Variants in HIP1 observed in about 807,000 individuals in gnomAD.
HIP1 encodes the protein huntingtin interacting protein 1, also known as huntingtin-interacting protein 1.
HIP1 carries 65 observed loss-of-function variants against 147.6 expected under a neutral mutation model. The ratio of observed to expected loss-of-function variants is 0.44; its 90% confidence interval spans 0.36 to 0.54. HIP1 has a LOEUF of 0.54. Ranked by LOEUF, HIP1 falls within the 20% of genes least tolerant of loss-of-function variation. The pLI is 0.00. For synonymous variants in HIP1, 479 were observed against 504.0 expected (o/e 0.95, Z 0.67); for missense variants, 1,061 against 1,299.6 (o/e 0.82, Z 2.82).
intron 21 of HIP1, among the ~76,000 whole-genome samples, chr7:75,553,849 C>G (rs1385434569): frequency 1.3e-5 from 2 of 152,204 alleles, no homozygotes; most frequent in African/African-American, 4.8e-5. Flanking sequence ...GGTGATCTGC[C>G]CACCTCGTCC....
At chr7:75,638,833 G>A (rs1418999475) in intron 1 of HIP1, among the ~76,000 whole-genome samples, 1 of 152,146 alleles carries the variant, frequency 6.6e-6, no homozygotes, top group African/African-American at 2.4e-5. Flanking sequence ...CCCGGCGGCG[G>A]CGCGGCGGGA....
intron 1 of HIP1, among the ~76,000 whole-genome samples, chr7:75,706,639 T>A (rs1801013608): frequency 7.1e-6 from 1 of 140,098 alleles, no homozygotes; most frequent in Non-Finnish European, 1.5e-5. Context: ...TTTTTTTTTT[T>A]TTTTTATTAT....
intron 1 of HIP1, among the ~76,000 whole-genome samples, chr7:75,600,326 G>C (rs1254803848): frequency 6.6e-6 from 1 of 152,270 alleles, no homozygotes; most frequent in Non-Finnish European, 1.5e-5. Context: ...GGCCAGGCTG[G>C]TCTCGAACTT....
chr7:75,656,801 T>C (rs782520135), intron 1 of HIP1, among the ~76,000 whole-genome samples: 1 of 152,168 alleles, frequency 6.6e-6, no homozygotes, highest in South Asian at 2.1e-4. Context: ...AAGCAAGATA[T>C]AGAATGACTA....
At chr7:75,656,688 G>C (rs1420439298) in intron 1 of HIP1, among the ~76,000 whole-genome samples, 1 of 151,708 alleles carries the variant, frequency 6.6e-6, no homozygotes, top group Non-Finnish European at 1.5e-5. Context: ...TGTTGGTCAG[G>C]CTGGTCTCGA....
At chr7:75,593,725 C>T (rs1796584621) in intron 2 of HIP1, among the ~76,000 whole-genome samples, 1 of 151,984 alleles carries the variant, frequency 6.6e-6, no homozygotes, top group Admixed American at 6.6e-5. Context: ...CCCTTGGCTC[C>T]TCCTCCAGGC....
intron 1 of HIP1, among the ~76,000 whole-genome samples, chr7:75,652,314 C>CA (rs34220339): frequency 0.36 from 38,001 of 105,116 alleles, 5,403 homozygotes; most frequent in Middle Eastern, 0.43. Flanking sequence ...GAGACTGTCT[C>CA]AAAAAAAAAA....
Position 75,556,789 on chromosome 7 carries a change from A to G in HIP1, c.1604T>C (p.Leu535Pro). ...QRKTQEQLEVLESLKQELATS... is the reference protein window; with the variant it reads ...QRKTQEQLEVPESLKQELATS... ...GGCAAGTTCCTGCTTCAAGCTCTCT[A>G]GAACTTCCAGCTGTTCTTGAGTCTG... The change falls in exon 17 of 31, where the codon CTA (leucine) becomes CCA (proline). Residue 535 changes from leucine (L) to proline (P), a missense_variant. Physicochemically the swap from Leu to Pro is moderately conservative, Grantham distance 98. Around this residue, in one of 3 missense-constraint regions of HIP1, gnomAD observed 810 missense variants for 946.8 expected, o/e 0.86. Transcript: ENST00000336926. The G allele has an allele frequency of 6.2e-7, 1 of 1,612,498 alleles. No individual in the cohort carries two copies. Among genetic ancestry groups the G allele is most frequent in the Non-Finnish European group, 8.5e-7 (1 of 1,178,592 alleles).
chr7:75,628,502 A>C (rs1554508331), intron 1 of HIP1, among the ~76,000 whole-genome samples: 1 of 134,846 alleles, frequency 7.4e-6, no homozygotes. Flanking sequence ...TTTTTGAGAC[A>C]GAGTCTTGCT....
intron 1 of HIP1, among the ~76,000 whole-genome samples, chr7:75,602,112 T>TGCCTCA (rs1797008749): frequency 6.6e-6 from 1 of 151,326 alleles, no homozygotes; most frequent in Non-Finnish European, 1.5e-5. Context: ...GCGATTCTCC[T>TGCCTCA]GCCTCAGCCT....
intron 2 of HIP1, among the ~76,000 whole-genome samples, chr7:75,598,524 G>T (rs868970339): frequency 1.1e-4 from 16 of 151,642 alleles, no homozygotes; most frequent in African/African-American, 3.6e-4. Flanking sequence ...GCAAAGAAAG[G>T]ACCTGGAGGG....
At chr7:75,665,784 G>A (rs549407799) in intron 1 of HIP1, among the ~76,000 whole-genome samples, 42 of 152,018 alleles carry the variant, frequency 2.8e-4, no homozygotes, top group Admixed American at 2.4e-3. Flanking sequence ...CAAGTGATCC[G>A]CCTGCTTCGG....
At chr7:75,595,258 TCC>T (rs1280617325) in intron 2 of HIP1, among the ~76,000 whole-genome samples, 2 of 117,698 alleles carry the variant, frequency 1.7e-5, no homozygotes, top group African/African-American at 7.2e-5. Context: ...CTTTCTTCCT[TCC>T]TTCCTTCCTT....
At chr7:75,706,617 CTCG>C (rs1289761582) in intron 1 of HIP1, among the ~76,000 whole-genome samples, 2 of 132,000 alleles carry the variant, frequency 1.5e-5, no homozygotes, top group South Asian at 2.3e-4. Flanking sequence ...CACCCATCAA[CTCG>C]TCATTTTTTT....
rs1447465343 is a variant in HIP1 at position 75,536,367 on chromosome 7, TG to T, written c.*1804del. ...TGGGGAGGGGGGTGGGCTAGGGAGA[TG>T]GGGGTTGGTTCACAGTGATCAAACA... On this transcript the variant is annotated 3_prime_UTR_variant, in exon 31 of 31. Coordinates refer to ENST00000336926, the MANE Select transcript of HIP1 (RefSeq NM_005338.7). 2 of 176,548 alleles carry T rather than the reference TG, an allele frequency of 1.1e-5. No homozygotes were observed. The highest frequency in any genetic ancestry group is 2.4e-5 in the Non-Finnish European group (2 of 85,038). The allele number at this position is 176,548 out of a possible 1,614,324, so 10.9% of individuals were successfully genotyped here.
chr7:75,581,024 G>A (rs1376433542), intron 7 of HIP1, among the ~76,000 whole-genome samples: 2 of 152,136 alleles, frequency 1.3e-5, no homozygotes, highest in South Asian at 2.1e-4. Flanking sequence ...TTACAGGTGC[G>A]AGCCACTGCA....
chr7:75,542,114 G>C, intron 28 of HIP1, 134 bp from the exon 29 acceptor site: 1 of 732,804 alleles, frequency 1.4e-6, no homozygotes, highest in Non-Finnish European at 2.5e-6. Flanking sequence ...GTAAGTGAGG[G>C]GGCCAGACAA....
chr7:75,634,498 T>C lies in HIP1; in HGVS notation c.121-35251A>G, dbSNP rs79303921. Among the ~76,000 whole-genome samples the C allele has an allele frequency of 1.6e-3, 237 of 152,374 alleles. 6 individuals carry two copies. In the East Asian group the frequency reaches 0.042, roughly 27 times the overall value. On this transcript the variant is annotated intron_variant, in intron 1 of 30. Coordinates refer to ENST00000336926, the MANE Select transcript of HIP1 (RefSeq NM_005338.7). The stretch of plus-strand genomic sequence containing the variant: ...GCGCATACTTTGACTGTCAGAGAAC[T>C]GGATACAAGACCTGGTTCTAACCCC...
intron 29 of HIP1, among the ~76,000 whole-genome samples, chr7:75,541,530 C>CA (rs200417654): frequency 0.024 from 2,859 of 117,862 alleles, 58 homozygotes; most frequent in African/African-American, 0.056. Context: ...GACTCCGTCT[C>CA]AAAAAAAAAA....
Sources: gnomAD v4.1 joint callset for allele counts (sites outside exome capture counted in the v4.1 genomes callset) on GRCh38, gnomAD v4.1.1 for gene constraint, gnomAD v4.1.1 regional missense constraint, MANE v1.5 for transcripts, NCBI Gene and HGNC (gene_info 2026-07-23, HGNC 2026-07-21) for gene names.